Variants in ARPC5L observed in about 807,000 individuals in gnomAD.
ARPC5L encodes the protein actin-related protein 2/3 complex subunit 5-like protein.
ARPC5L carries 4 observed loss-of-function variants against 16.9 expected under a neutral mutation model. The observed-to-expected ratio is 0.24, with a 90% CI of 0.12 to 0.54. The LOEUF (loss-of-function observed/expected upper bound fraction) is 0.54, where lower values mean the gene tolerates loss of function less well. Among genes scored for constraint, ARPC5L ranks in the 20% least tolerant of loss-of-function variants. The probability of loss-of-function intolerance (pLI) is 0.95; values close to 1 mark genes in which losing one functional copy is unlikely to be tolerated. For missense variants in ARPC5L, 151 were observed against 201.9 expected, an observed-to-expected ratio of 0.75 and a Z score of 1.53; for synonymous variants, 78 against 82.6, an observed-to-expected ratio of 0.94 and a Z score of 0.30.
At chr9:124,872,377 C>T (rs1226516516) in intron 3 of ARPC5L, among the ~76,000 whole-genome samples, 18 of 152,206 alleles carry the variant, frequency 1.2e-4, no homozygotes, top group Admixed American at 1.0e-3. Context: ...GGACAGATCA[C>T]GAGGTCAGGA....
intron 2 of ARPC5L, among the ~76,000 whole-genome samples, chr9:124,867,141 CT>C (rs779385412): frequency 0.016 from 2,191 of 137,876 alleles, 27 homozygotes; most frequent in African/African-American, 0.049. Context: ...TCAGGGACAC[CT>C]TTTTTTTTTT....
intron 3 of ARPC5L, among the ~76,000 whole-genome samples, chr9:124,870,695 T>C (rs1410565598): frequency 6.6e-6 from 1 of 152,148 alleles, no homozygotes; most frequent in African/African-American, 2.4e-5. Flanking sequence ...GAAGGTTGGT[T>C]GTAGTCTGGT....
intron 2 of ARPC5L, among the ~76,000 whole-genome samples, chr9:124,864,550 C>T (rs1829245173): frequency 6.6e-6 from 1 of 152,024 alleles, no homozygotes. Flanking sequence ...TTAGTAGAGA[C>T]GGGGTTTCAC....
intron 4 of ARPC5L, among the ~76,000 whole-genome samples, chr9:124,874,668 C>T (rs570424138): frequency 6.6e-6 from 1 of 151,938 alleles, no homozygotes; most frequent in Non-Finnish European, 1.5e-5. Flanking sequence ...GGCAACAGAG[C>T]GAGACCCTGC....
In ARPC5L at chr9:124,871,157, A is replaced by G. The variant is rs201471237; in HGVS notation, c.149+1718A>G. Among the ~76,000 whole-genome samples, 9 of 152,086 alleles carry G rather than the reference A, an allele frequency of 5.9e-5. No individual in the cohort carries two copies. The East Asian group carries it at 1.7e-3, about 29-fold the overall frequency. On this transcript the variant is annotated intron_variant, in intron 3 of 5. Transcript: ENST00000353214. Reference sequence around the variant, plus strand: ...GGGGAGCAGGGAGAGGGATAGATGGATTGGGGTTGGGGAGGGCAGAGAGGG... The same window carrying G: ...GGGGAGCAGGGAGAGGGATAGATGGGTTGGGGTTGGGGAGGGCAGAGAGGG...
chr9:124,869,200 T>C lies in ARPC5L; in HGVS notation c.-91T>C. ...GTGCTGGGAGCAGCCGGGCAGCCGC[T>C]TCCCGCCCCCGAGCAGGAGCCGGTG... On this transcript the variant is annotated 5_prime_UTR_variant, in exon 3 of 6. Transcript: ENST00000353214. The C allele has an allele frequency of 3.8e-6, 5 of 1,323,938 alleles. No homozygotes were observed. The highest frequency in any genetic ancestry group is 4.9e-6 in the Non-Finnish European group (5 of 1,027,226). The allele number at this position is 1,323,938 out of a possible 1,614,324, so 82.0% of individuals were successfully genotyped here. A position where few individuals can be genotyped will look rare whatever the true frequency, so the allele number is the denominator to read the frequency against.
intron 3 of ARPC5L, among the ~76,000 whole-genome samples, chr9:124,871,183 G>A (rs1024236110): frequency 6.6e-6 from 1 of 152,160 alleles, no homozygotes; most frequent in African/African-American, 2.4e-5. Context: ...GCAGAGAGGG[G>A]CCCTGTCCTG....
At chr9:124,876,395 G>A (rs1412253859) in intron 5 of ARPC5L, among the ~76,000 whole-genome samples, 1 of 152,088 alleles carries the variant, frequency 6.6e-6, no homozygotes, top group African/African-American at 2.4e-5. Context: ...GCTGAGGCAG[G>A]AGAAGCGCTT....
chr9:124,872,440 A>C (rs1245596659), intron 3 of ARPC5L: 2 of 151,968 alleles, frequency 1.3e-5, no homozygotes, highest in Non-Finnish European at 2.9e-5. Context: ...CTAAAAATAC[A>C]AAAAAAATTA....
In ARPC5L at chr9:124,877,130, C is replaced by CTGAT. The variant is rs934351162; in HGVS notation, c.*191_*194dup. 106 of 594,518 alleles carry CTGAT rather than the reference C, an allele frequency of 1.8e-4. No individual in the cohort carries two copies. Among genetic ancestry groups the CTGAT allele is most frequent in the African/African-American group, 1.2e-3 (66 of 53,314 alleles). The allele number at this position is 594,518 out of a possible 1,614,324, so 36.8% of individuals were successfully genotyped here. A position where few individuals can be genotyped will look rare whatever the true frequency, so the allele number is the denominator to read the frequency against. On this transcript the variant is annotated 3_prime_UTR_variant, in exon 6 of 6. Transcript: ENST00000353214. ...CTGTTTCCTAAATCCTGTTTAGGATCTGATAGTCTATGCCTTTGTCTCCGA... is the reference window on the plus strand; with the variant it reads ...CTGTTTCCTAAATCCTGTTTAGGATCTGATTGATAGTCTATGCCTTTGTCTCCGA...
intron 2 of ARPC5L, among the ~76,000 whole-genome samples, chr9:124,867,431 C>T (rs777673177): frequency 2.0e-5 from 3 of 152,060 alleles, no homozygotes; most frequent in Admixed American, 1.3e-4. Context: ...TGAGCCACTG[C>T]GCCCGGCCAG....
chr9:124,876,441 G>A (rs1411767123), intron 5 of ARPC5L, among the ~76,000 whole-genome samples: 2 of 152,150 alleles, frequency 1.3e-5, no homozygotes. Context: ...AGCCGAGATC[G>A]TGCCATTGCA....
At chr9:124,870,915 G>A (rs1564312101) in intron 3 of ARPC5L, among the ~76,000 whole-genome samples, 1 of 152,202 alleles carries the variant, frequency 6.6e-6, no homozygotes. Flanking sequence ...GCACATCCAG[G>A]GGATGGTCGT....
rs780911346 is a variant in ARPC5L at position 124,873,775 on chromosome 9, G to T, written c.222+11G>T. The stretch of plus-strand genomic sequence containing the variant: ...AATCAAGCTGTGAAGGTAAAGGGGT[G>T]GCGCTGCGGCTCTGCTGGGTGCTGT... On this transcript the variant is annotated intron_variant, in intron 4 of 5. Coordinates refer to ENST00000353214, the MANE Select transcript of ARPC5L (RefSeq NM_030978.3). 8 of 1,614,096 alleles carry T rather than the reference G, an allele frequency of 5.0e-6. No individual in the cohort carries two copies. Among genetic ancestry groups the T allele is most frequent in the Non-Finnish European group, 5.9e-6 (7 of 1,180,020 alleles).
chr9:124,876,222 C>T (rs1829431941), intron 5 of ARPC5L, among the ~76,000 whole-genome samples: 1 of 152,124 alleles, frequency 6.6e-6, no homozygotes, highest in Non-Finnish European at 1.5e-5. Flanking sequence ...GCGGTGGGCT[C>T]ACGCCTGTAA....
chr9:124,864,688 T>G (rs927840654), intron 2 of ARPC5L, among the ~76,000 whole-genome samples: 11 of 151,858 alleles, frequency 7.2e-5, no homozygotes, highest in Non-Finnish European at 5.9e-5. Context: ...CATCTTTGTA[T>G]TTTTTGTAGG....
rs556642602 is a variant in ARPC5L, at chr9:124,870,856, C to G, written c.149+1417C>G. Among the ~76,000 whole-genome samples the G allele has an allele frequency of 2.6e-5, 4 of 152,292 alleles. No individual in the cohort carries two copies. The South Asian group carries it at 8.3e-4, about 32-fold the overall frequency. On this transcript the variant is annotated intron_variant, in intron 3 of 5. Transcript: ENST00000353214. ...TTGTTGAAGGTCATGTCTTGGGACT[C>G]CCCTGCCTGGTGACAGGTTCCTTGA...
rs1289102810 is a variant in ARPC5L, at chr9:124,876,744, C to G, written c.400-134C>G. The G allele has an allele frequency of 5.6e-6, 4 of 708,032 alleles. No homozygotes were observed. The East Asian group carries it at 8.3e-5, about 15-fold the overall frequency. The allele number at this position is 708,032 out of a possible 1,614,324, so 43.9% of individuals were successfully genotyped here. ...CAGGGCTCCTTCCCTAGAATGTGCT[C>G]TATCTCAGGAATCCTCTTTCGAGGA... is the stretch of plus-strand genomic sequence containing the variant. On this transcript the variant is annotated intron_variant, in intron 5 of 5. Coordinates refer to ENST00000353214, the MANE Select transcript of ARPC5L (RefSeq NM_030978.3).
chr9:124,864,793 G>A (rs1487327280), intron 2 of ARPC5L, among the ~76,000 whole-genome samples: 2 of 151,510 alleles, frequency 1.3e-5, no homozygotes, highest in African/African-American at 2.4e-5. Flanking sequence ...CATGAGCCAC[G>A]GCGCAGTGCG....
Sources: gnomAD v4.1 joint callset for allele counts (sites outside exome capture counted in the v4.1 genomes callset) on GRCh38, gnomAD v4.1.1 for gene constraint, MANE v1.5 for transcripts, NCBI Gene and HGNC (gene_info 2026-07-23, HGNC 2026-07-21) for gene names.